Variants in RYR3 observed in about 807,000 individuals in gnomAD.
RYR3 encodes ryanodine receptor 3.
A neutral mutation model predicts 584.3 loss-of-function variants in RYR3; 207 were observed. The observed-to-expected ratio is 0.35, with a 90% CI of 0.32 to 0.40. The LOEUF is 0.40. Among genes scored for constraint, RYR3 ranks in the 10% least tolerant of loss-of-function variants. The pLI is 1.00. For missense variants in RYR3, 5,616 were observed against 6,089.2 expected (o/e 0.92, Z 2.59); for synonymous variants, 2,416 against 2,248.5 (o/e 1.07, Z -2.11).
At chr15:33,641,272 A>G (rs760827248) in intron 27 of RYR3, among the ~76,000 whole-genome samples, 9 of 152,230 alleles carry the variant, frequency 5.9e-5, no homozygotes, top group Non-Finnish European at 7.3e-5. Flanking sequence ...CTGACTCTGC[A>G]GTTTACCAGG....
intron 38 of RYR3, 101 bp from the exon 39 acceptor site, chr15:33,696,117 C>T: frequency 8.5e-7 from 1 of 1,175,932 alleles, no homozygotes; most frequent in Non-Finnish European, 1.2e-6. Context: ...TTTGTAACCT[C>T]AACCAATGAT....
At position 33,344,488 on chromosome 15, in the gene RYR3, G is replaced by A. The variant is rs1165005546; in HGVS notation, c.51+33392G>A. Among the ~76,000 whole-genome samples the A allele has an allele frequency of 2.6e-5, 4 of 151,900 alleles. No homozygotes were observed. The East Asian group carries it at 7.7e-4, about 29-fold the overall frequency. On this transcript the variant is annotated intron_variant, in intron 1 of 103. Transcript: ENST00000634891. Reference sequence around the variant, plus strand: ...TTGTTTTTGTACGTTCATTTTTAGTGGACAATATATATATATTTTTCCAGA... The same window carrying A: ...TTGTTTTTGTACGTTCATTTTTAGTAGACAATATATATATATTTTTCCAGA...
At position 33,635,742 on chromosome 15, in the gene RYR3, G is replaced by A. The variant is rs1243221135; in HGVS notation, c.3304G>A (p.Gly1102Ser). Residue 1102 changes from glycine to serine, a missense_variant, in exon 26 of 104, where the codon GGC becomes AGC. Gly to Ser is a moderately conservative substitution (Grantham distance 56, BLOSUM62 0). Coordinates refer to ENST00000634891, the MANE Select transcript of RYR3 (RefSeq NM_001036.6). ...EVVTGGDMRV[G>S]WARPGCRPDV... ...GGTGACTGGAGGAGACATGCGAGTC[G>A]GCTGGGCGAGGCCAGGCTGTCGACC... 2.5e-6 allele frequency: 4 copies of A among 1,613,772 alleles called. No individual in the cohort carries two copies. The highest frequency in any genetic ancestry group is 1.3e-5 in the African/African-American group (1 of 74,938).
At chr15:33,805,206 G>T (rs1226728079) in intron 69 of RYR3, among the ~76,000 whole-genome samples, 1 of 152,142 alleles carries the variant, frequency 6.6e-6, no homozygotes, top group East Asian at 1.9e-4. Context: ...GTTAGAATGT[G>T]TTCAGCCCAA....
intron 1 of RYR3, among the ~76,000 whole-genome samples, chr15:33,407,118 G>T (rs1475889665): frequency 6.6e-6 from 1 of 152,128 alleles, no homozygotes; most frequent in East Asian, 1.9e-4. Flanking sequence ...AGGTCAAGAG[G>T]GGTCTAAGCT....
chr15:33,676,417 G>A lies in RYR3; in HGVS notation c.5860+5861G>A, dbSNP rs549599869. On this transcript the variant is annotated intron_variant, in intron 38 of 103. Transcript: ENST00000634891. ...AAGTTTGTGGTAATTTGTCACAGCA[G>A]CAATAGAAAAGGTGGTGACAACAAA... is the stretch of plus-strand genomic sequence containing the variant. Among the ~76,000 whole-genome samples the A allele has an allele frequency of 3.3e-5, 5 of 152,290 alleles. 1 individual carries two copies. In the South Asian group the frequency reaches 1.0e-3, roughly 32 times the overall value.
chr15:33,481,539 G>A lies in RYR3; in HGVS notation c.171+8001G>A, dbSNP rs1042311641. Among the ~76,000 whole-genome samples the A allele has an allele frequency of 7.2e-5, 11 of 152,100 alleles. No individual in the cohort carries two copies. In the East Asian group the frequency reaches 2.1e-3, roughly 29 times the overall value. The stretch of plus-strand genomic sequence containing the variant: ...TCTGTCACCCAGGCTGGAGTGCAAT[G>A]ATGCAATCTCAGCTCACTGCAACCT... On this transcript the variant is annotated intron_variant, in intron 2 of 103. Coordinates refer to ENST00000634891, the MANE Select transcript of RYR3 (RefSeq NM_001036.6).
Position 33,632,974 on chromosome 15 carries a change from C to T in RYR3, c.2893C>T (p.Pro965Ser). Reference sequence around the variant, plus strand: ...CTATATGATGTCCAACGGCTATAAGCCAGCCCCTTTGGATTTGTCTGATGT... The same window carrying T: ...CTATATGATGTCCAACGGCTATAAGTCAGCCCCTTTGGATTTGTCTGATGT... ...KNYMMSNGYK[P>S]APLDLSDVKL... Residue 965 changes from proline to serine, a missense_variant, in exon 24 of 104, where the codon CCA (proline) becomes TCA (serine). Pro to Ser is a moderately conservative substitution (Grantham distance 74). Coordinates refer to ENST00000634891, the MANE Select transcript of RYR3 (RefSeq NM_001036.6). The T allele has an allele frequency of 6.2e-7, 1 of 1,613,746 alleles. No individual in the cohort carries two copies. The highest frequency in any genetic ancestry group is 8.5e-7 in the Non-Finnish European group (1 of 1,179,726).
chr15:33,540,871 A>C lies in RYR3; in HGVS notation c.627A>C (p.Ser209=). Residue 209 remains serine, a synonymous_variant, in exon 7 of 104, where the codon TCA becomes TCC. Coordinates refer to ENST00000634891, the MANE Select transcript of RYR3 (RefSeq NM_001036.6). ...QTLWNVHPTC[S]GSSIEEGYLL... is the part of the protein sequence containing the mutation. ...TCTGGAATGTACATCCTACGTGCTC[A>C]GGAAGTAGCATCGAAGAAGGTGTGC... is the stretch of plus-strand genomic sequence containing the variant. The C allele has an allele frequency of 6.2e-7, 1 of 1,611,278 alleles. No homozygotes were observed. Among genetic ancestry groups the C allele is most frequent in the South Asian group, 1.1e-5 (1 of 91,004 alleles).
At chr15:33,557,649 C>T (rs1452496180) in intron 10 of RYR3, among the ~76,000 whole-genome samples, 2 of 152,134 alleles carry the variant, frequency 1.3e-5, no homozygotes, top group African/African-American at 4.8e-5. Flanking sequence ...TCCCAAAGTG[C>T]TGGGATTACA....
chr15:33,829,821 G>C (rs2077576113), intron 85 of RYR3, among the ~76,000 whole-genome samples: 1 of 152,036 alleles, frequency 6.6e-6, no homozygotes, highest in African/African-American at 2.4e-5. Flanking sequence ...ACTTGAGGAA[G>C]TTGATTGCAA....
intron 3 of RYR3, among the ~76,000 whole-genome samples, chr15:33,528,732 G>A (rs979083983): frequency 2.0e-5 from 3 of 152,160 alleles, no homozygotes; most frequent in African/African-American, 7.2e-5. Flanking sequence ...TCACCATGAT[G>A]ATAATTATCA....
Position 33,696,251 on chromosome 15 carries a change from TCTG to T in RYR3, c.5898_5900del (p.Cys1966del), listed in dbSNP as rs1219672988. ...AAGGAACTCATCTCACAGACGATGA[TCTG>T]CTGGGCCCAGGAGGACCAGATCCAG... On this transcript the variant is annotated inframe_deletion, in exon 39 of 104. Transcript: ENST00000634891. The T allele has an allele frequency of 6.2e-7, 1 of 1,613,658 alleles. No individual in the cohort carries two copies.
chr15:33,340,072 C>G (rs922613356), intron 1 of RYR3, among the ~76,000 whole-genome samples: 1 of 152,196 alleles, frequency 6.6e-6, no homozygotes, highest in African/African-American at 2.4e-5. Flanking sequence ...CAGACCCATC[C>G]TGATCCTACT....
At chr15:33,672,468 G>C (rs2063905303) in intron 38 of RYR3, among the ~76,000 whole-genome samples, 1 of 152,128 alleles carries the variant, frequency 6.6e-6, no homozygotes. Context: ...ACTCTATCTT[G>C]GGATCCCAGA....
At chr15:33,411,986 T>C (rs936267992) in intron 1 of RYR3, among the ~76,000 whole-genome samples, 2 of 152,210 alleles carry the variant, frequency 1.3e-5, no homozygotes, top group Non-Finnish European at 2.9e-5. Context: ...AAAGAATTTG[T>C]CACAGTTGTC....
rs548356009 is a variant in RYR3 at position 33,602,008 on chromosome 15, G to T, written c.1922+456G>T. Among the ~76,000 whole-genome samples, 3 of 152,326 alleles carry T rather than the reference G, an allele frequency of 2.0e-5. No individual in the cohort carries two copies. The East Asian group carries it at 5.8e-4, about 29-fold the overall frequency. On this transcript the variant is annotated intron_variant, in intron 17 of 103. Transcript: ENST00000634891. ...GACTGCTGTCTGTGAGGATCAGGGT[G>T]AAGAGCAGGGTCCCATGCAGGACCC...
intron 16 of RYR3, among the ~76,000 whole-genome samples, chr15:33,595,016 A>G (rs1226976014): frequency 2.0e-5 from 3 of 152,232 alleles, no homozygotes; most frequent in Non-Finnish European, 4.4e-5. Context: ...TTTATACCAA[A>G]TAAGCTAAAT....
chr15:33,819,683 T>TAAATAAAC, intron 76 of RYR3, 73 bp from the exon 77 acceptor site: 1 of 240,854 alleles, frequency 4.2e-6, no homozygotes, highest in Non-Finnish European at 6.4e-6. Context: ...CAAAAATAAA[T>TAAATAAAC]AAATAAATAA....
Sources: gnomAD v4.1 joint callset for allele counts (sites outside exome capture counted in the v4.1 genomes callset) on GRCh38, gnomAD v4.1.1 for gene constraint, MANE v1.5 for transcripts, NCBI Gene and HGNC (gene_info 2026-07-23, HGNC 2026-07-21) for gene names.